Variants in B3GAT2 observed in about 807,000 individuals in gnomAD.
The protein encoded by B3GAT2 is beta-1,3-glucuronyltransferase 2.
Under a neutral mutation model 27.8 loss-of-function variants are expected in B3GAT2, and 26 were observed. The observed-to-expected ratio is 0.93, with a 90% confidence interval of 0.68 to 1.30. The LOEUF is 1.30. B3GAT2 is among the 50% of genes most tolerant of loss of function. The probability of loss-of-function intolerance (pLI) is 0.00; values close to 1 mark genes in which losing one functional copy is unlikely to be tolerated. For synonymous variants in B3GAT2, 218 were observed against 195.1 expected, an observed-to-expected ratio of 1.12 and a Z score of -0.98; for missense variants, 458 against 459.0, an observed-to-expected ratio of 1.00 and a Z score of 0.02.
At chr6:70,951,064 G>A (rs577957599) in intron 1 of B3GAT2, among the ~76,000 whole-genome samples, 1 of 152,198 alleles carries the variant, frequency 6.6e-6, no homozygotes, top group East Asian at 1.9e-4. Context: ...TGAGCTCCAT[G>A]CAAAACTTAA....
Position 70,955,972 on chromosome 6 carries a change from A to G in B3GAT2, c.458T>C (p.Leu153Pro), listed in dbSNP as rs1399780826. The change falls in exon 1 of 4, where the codon CTG (leucine) becomes CCG (proline). Residue 153 changes from leucine to proline, a missense_variant. By Grantham distance (98) the Leu-to-Pro change is moderately conservative (BLOSUM62 -3). Coordinates refer to ENST00000230053, the MANE Select transcript of B3GAT2 (RefSeq NM_080742.3). ...GTTGCGCTGCTCAGTGGCGCGCGGC[A>G]GCCCGGGCCGCTTGTAGCGCCGCGG... ...PTPRRYKRPG[L>P]PRATEQRNAG... 4.1e-6 allele frequency: 6 copies of G among 1,472,638 alleles called. No individual in the cohort carries two copies. Among genetic ancestry groups the G allele is most frequent in the Non-Finnish European group, 5.4e-6 (6 of 1,119,932 alleles). 91.2% of individuals were successfully genotyped at this position (1,472,638 alleles called of 1,614,324 possible).
intron 1 of B3GAT2, among the ~76,000 whole-genome samples, chr6:70,943,246 G>A (rs527835326): frequency 1.3e-5 from 2 of 152,228 alleles, no homozygotes; most frequent in East Asian, 3.9e-4. Context: ...GAAGAAATCG[G>A]ACAAGAAAAT....
In B3GAT2 at chr6:70,859,307, T is replaced by TAATA; in HGVS notation, c.*2352_*2355dup. The TAATA allele has an allele frequency of 6.5e-7, 1 of 1,532,838 alleles. No homozygotes were observed. 95.0% of individuals were successfully genotyped at this position (1,532,838 alleles called of 1,614,324 possible). A position where few individuals can be genotyped will look rare whatever the true frequency, so the allele number is the denominator to read the frequency against. On this transcript the variant is annotated 3_prime_UTR_variant, in exon 4 of 4. Transcript: ENST00000230053. ...GGTGCTAGATGAACCAGGAAGGAGT[T>TAATA]AATACTGGCTCTTACTTCCAGATAA...
chr6:70,910,644 ATG>A (rs1456256169), intron 1 of B3GAT2, among the ~76,000 whole-genome samples: 2 of 152,160 alleles, frequency 1.3e-5, no homozygotes, highest in Non-Finnish European at 2.9e-5. Flanking sequence ...GTGTGTGTGC[ATG>A]TGTCTTTATG....
intron 2 of B3GAT2, among the ~76,000 whole-genome samples, chr6:70,866,876 A>G (rs1771859894): frequency 6.6e-6 from 1 of 152,250 alleles, no homozygotes; most frequent in Non-Finnish European, 1.5e-5. Flanking sequence ...CTTTTAAAGT[A>G]CACATGGAAC....
rs561424918 is a variant in B3GAT2, at chr6:70,947,941, A to C, written c.591+7898T>G. 1.8e-3 allele frequency among the ~76,000 whole-genome samples: 281 copies of C among 152,038 alleles called. 1 individual carries two copies. Among genetic ancestry groups the C allele is most frequent in the Admixed American group, 2.8e-3 (43 of 15,272 alleles). The stretch of plus-strand genomic sequence containing the variant: ...CTGGTTCAATATACGCAAATCAATA[A>C]ATGTAATCCAGCATATAAACAGAAC... On this transcript the variant is annotated intron_variant, in intron 1 of 3. Transcript: ENST00000230053.
rs759550215 is a variant in B3GAT2 at position 70,956,109 on chromosome 6, C to T, written c.321G>A (p.Gln107=). 4 of 1,601,230 alleles carry T rather than the reference C, an allele frequency of 2.5e-6. No individual in the cohort carries two copies. Among genetic ancestry groups the T allele is most frequent in the Non-Finnish European group, 3.4e-6 (4 of 1,175,124 alleles). The change falls in exon 1 of 4, where the codon CAG becomes CAA. Residue 107 remains glutamine (Q), a synonymous_variant. Coordinates refer to ENST00000230053, the MANE Select transcript of B3GAT2 (RefSeq NM_080742.3). ...ELTRLANTFR[Q]VAQLHWILVE... is the part of the protein sequence containing the mutation. ...CCAGGATCCAGTGCAGCTGCGCCAC[C>T]TGGCGGAACGTGTTGGCCAGGCGGG... is the stretch of plus-strand genomic sequence containing the variant.
chr6:70,861,979 C>A lies in B3GAT2; in HGVS notation c.737-1G>T. ...ATGACTTGAAGACTTACAGCAAATC[C>A]TTTGTGAAAAATAAAAAAAAAAAAG... On this transcript the variant is annotated splice_acceptor_variant, in intron 2 of 3. Transcript: ENST00000230053. LOFTEE classifies it high-confidence loss of function. 1 of 1,574,050 alleles carries A rather than the reference C, an allele frequency of 6.4e-7. No homozygotes were observed. The highest frequency in any genetic ancestry group is 8.6e-7 in the Non-Finnish European group (1 of 1,164,654).
intron 2 of B3GAT2, among the ~76,000 whole-genome samples, chr6:70,866,933 A>G (rs1444800881): frequency 6.6e-6 from 1 of 152,222 alleles, no homozygotes; most frequent in Non-Finnish European, 1.5e-5. Flanking sequence ...ATCTGTCTCA[A>G]TACATTTAAA....
chr6:70,946,556 T>C (rs1296265168), intron 1 of B3GAT2, among the ~76,000 whole-genome samples: 1 of 152,074 alleles, frequency 6.6e-6, no homozygotes, highest in Non-Finnish European at 1.5e-5. Context: ...ATGCACCCAA[T>C]ACAGGAGCAC....
At position 70,956,524 on chromosome 6, in the gene B3GAT2, G is replaced by A. The variant is rs9446313; in HGVS notation, c.-95C>T. ...GACAGCGGCGGCGCCAGCACTTAGG[G>A]AGTGGTGATGGGTGCGCTGTCCATG... On this transcript the variant is annotated 5_prime_UTR_variant, in exon 1 of 4. Transcript: ENST00000230053. 667,536 of 1,528,470 alleles carry A rather than the reference G, an allele frequency of 0.44. 149,098 individuals are homozygous for A. The highest frequency in any genetic ancestry group is 0.63 in the Admixed American group (31,372 of 49,864). 94.7% of individuals were successfully genotyped at this position (1,528,470 alleles called of 1,614,324 possible).
chr6:70,856,889 C>T lies in B3GAT2; in HGVS notation c.*4774G>A. ...ACCCTCTGCACCAGCAGCTGCAACC[C>T]TGTCTACAGTAACATCTGGGGATCT... On this transcript the variant is annotated 3_prime_UTR_variant, in exon 4 of 4. Transcript: ENST00000230053. The T allele has an allele frequency of 6.2e-7, 1 of 1,613,538 alleles. No homozygotes were observed. The highest frequency in any genetic ancestry group is 1.3e-5 in the African/African-American group (1 of 75,044).
chr6:70,898,032 A>C (rs1772423481), intron 1 of B3GAT2, among the ~76,000 whole-genome samples: 1 of 152,230 alleles, frequency 6.6e-6, no homozygotes, highest in African/African-American at 2.4e-5. Context: ...AATAAGTCTT[A>C]TAATCAGATA....
At chr6:70,904,082 G>A (rs1772555990) in intron 1 of B3GAT2, among the ~76,000 whole-genome samples, 1 of 152,140 alleles carries the variant, frequency 6.6e-6, no homozygotes, top group Non-Finnish European at 1.5e-5. Flanking sequence ...TAATTGGTAT[G>A]CATAATACCA....
chr6:70,887,861 A>G lies in B3GAT2; in HGVS notation c.736+6267T>C, dbSNP rs115230590. Among the ~76,000 whole-genome samples the G allele has an allele frequency of 4.5e-3, 679 of 152,184 alleles. 4 individuals carry two copies. The highest frequency in any genetic ancestry group is 0.016 in the African/African-American group (653 of 41,566). The stretch of plus-strand genomic sequence containing the variant: ...CAGTGCAGGCCCCAAAGGGAAGGGT[A>G]GAATGTGCTGGAGGAAGTGATCTCT... On this transcript the variant is annotated intron_variant, in intron 2 of 3. Transcript: ENST00000230053.
rs1442413357 is a variant in B3GAT2, at chr6:70,938,812, G to A, written c.591+17027C>T. ...ATAAAAACCCTAGAAGAAAACCTAGGCATTACCATTCAGGACATAGGCATG... is the reference window on the plus strand; with the variant it reads ...ATAAAAACCCTAGAAGAAAACCTAGACATTACCATTCAGGACATAGGCATG... On this transcript the variant is annotated intron_variant, in intron 1 of 3. Coordinates refer to ENST00000230053, the MANE Select transcript of B3GAT2 (RefSeq NM_080742.3). 2.0e-5 allele frequency among the ~76,000 whole-genome samples: 3 copies of A among 151,920 alleles called. No homozygotes were observed. In the South Asian group the frequency reaches 6.3e-4, roughly 32 times the overall value.
chr6:70,918,650 A>C (rs2150041310), intron 1 of B3GAT2, among the ~76,000 whole-genome samples: 1 of 152,226 alleles, frequency 6.6e-6, no homozygotes, highest in African/African-American at 2.4e-5. Flanking sequence ...TCCTTCACTT[A>C]TGAAGCTTAG....
chr6:70,883,356 T>C (rs982863471), intron 2 of B3GAT2, among the ~76,000 whole-genome samples: 2 of 151,600 alleles, frequency 1.3e-5, no homozygotes, highest in Admixed American at 1.3e-4. Flanking sequence ...ATAAACGAAA[T>C]GTGGACTATA....
chr6:70,858,511 G>T lies in B3GAT2; in HGVS notation c.*3152C>A. ...TAACTGTAACGTGAACACCACTAATGGCCAGAAATTATCTCAGGCATCATG... is the reference window on the plus strand; with the variant it reads ...TAACTGTAACGTGAACACCACTAATTGCCAGAAATTATCTCAGGCATCATG... On this transcript the variant is annotated 3_prime_UTR_variant, in exon 4 of 4. Transcript: ENST00000230053. 1 of 244,896 alleles carries T rather than the reference G, an allele frequency of 4.1e-6. No individual in the cohort carries two copies. Among genetic ancestry groups the T allele is most frequent in the Non-Finnish European group, 7.8e-6 (1 of 128,264 alleles). 15.2% of individuals were successfully genotyped at this position (244,896 alleles called of 1,614,324 possible).
Sources: allele counts gnomAD v4.1 joint callset (sites outside exome capture counted in the v4.1 genomes callset), GRCh38; gene constraint gnomAD v4.1.1; transcripts MANE v1.5; gene names NCBI Gene and HGNC (gene_info 2026-07-23, HGNC 2026-07-21).